The following ANKRD30B variants were observed in gnomAD, a reference collection of about 807,000 sequenced individuals.
ANKRD30B encodes ankyrin repeat domain 30B.
A neutral mutation model predicts 202.2 loss-of-function variants in ANKRD30B; 144 were observed. The observed-to-expected ratio is 0.71, with a 90% CI of 0.62 to 0.82. ANKRD30B has a LOEUF of 0.82. Ranked by LOEUF, ANKRD30B falls within the 40% of genes least tolerant of loss-of-function variation. The pLI is 0.00. For missense variants in ANKRD30B, 1,487 were observed against 1,669.1 expected (o/e 0.89, Z 1.90); for synonymous variants, 508 against 561.3 (o/e 0.91, Z 1.34).
the ANKRD30B span, among the ~76,000 whole-genome samples, chr18:14,936,131 AC>A: frequency 6.6e-6 from 1 of 152,166 alleles, no homozygotes; most frequent in Admixed American, 6.5e-5. Context: ...ACAAAACACC[AC>A]TGAACCTTTC....
the ANKRD30B span, among the ~76,000 whole-genome samples, chr18:14,928,756 C>G: frequency 6.6e-6 from 1 of 152,150 alleles, no homozygotes; most frequent in Non-Finnish European, 1.5e-5. Flanking sequence ...CTGGAGAACC[C>G]TGACTAATAT....
chr18:14,890,109 A>G, the ANKRD30B span: 1 of 973,204 alleles, frequency 1.0e-6, no homozygotes, highest in African/African-American at 1.6e-5. Context: ...GAATCACAGA[A>G]AGACATGTCA....
the ANKRD30B span, among the ~76,000 whole-genome samples, chr18:14,925,567 G>A: frequency 6.6e-6 from 1 of 152,238 alleles, no homozygotes; most frequent in Non-Finnish European, 1.5e-5. Flanking sequence ...CCAGATGGTA[G>A]CAGGCTAGGT....
chr18:14,902,091 A>G, the ANKRD30B span, among the ~76,000 whole-genome samples: 5 of 152,164 alleles, frequency 3.3e-5, no homozygotes, highest in African/African-American at 7.2e-5. Context: ...TCCTGAAAAA[A>G]TCAGATTTTG....
chr18:14,864,998 ACCCTCTTTTTG>A, the ANKRD30B span, among the ~76,000 whole-genome samples: 1 of 149,100 alleles, frequency 6.7e-6, no homozygotes, highest in African/African-American at 2.5e-5. Flanking sequence ...CCTGCTTGCC[ACCCTCTTTTTG>A]CCTTCCATCT....
At chr18:14,844,999 T>C (rs1971574553) in intron 39 of ANKRD30B, among the ~76,000 whole-genome samples, 1 of 152,062 alleles carries the variant, frequency 6.6e-6, no homozygotes, top group African/African-American at 2.4e-5. Context: ...GTCAGATGGA[T>C]AGATTGCAGA....
the ANKRD30B span, among the ~76,000 whole-genome samples, chr18:14,885,510 T>C: frequency 6.6e-6 from 1 of 152,074 alleles, no homozygotes. Flanking sequence ...CTTTGCATTA[T>C]TCTCTAACTT....
At chr18:14,901,273 T>G in the ANKRD30B span, among the ~76,000 whole-genome samples, 1 of 152,212 alleles carries the variant, frequency 6.6e-6, no homozygotes, top group Non-Finnish European at 1.5e-5. Context: ...AGCCAAAAAT[T>G]TACTTCTTTT....
intron 41 of ANKRD30B, among the ~76,000 whole-genome samples, chr18:14,850,764 G>A (rs1971848221): frequency 1.3e-5 from 2 of 151,734 alleles, no homozygotes; most frequent in Non-Finnish European, 3.0e-5. Flanking sequence ...TTCTAAGTAG[G>A]GCTCTCTAGA....
At chr18:14,856,062 C>A (rs562036606), downstream of ANKRD30B, among the ~76,000 whole-genome samples, 13 of 138,280 alleles carry the variant, frequency 9.4e-5, no homozygotes, top group Non-Finnish European at 1.8e-4. Context: ...GGCAGAGGCG[C>A]TCCTCACCTC....
chr18:14,790,804 G>T (rs1968442576), intron 15 of ANKRD30B, among the ~76,000 whole-genome samples: 2 of 151,948 alleles, frequency 1.3e-5, no homozygotes. Flanking sequence ...GTATTTTATT[G>T]AGGATTTTTG....
chr18:14,793,480 C>T (rs1466636129), intron 16 of ANKRD30B, among the ~76,000 whole-genome samples: 4 of 151,660 alleles, frequency 2.6e-5, no homozygotes, highest in East Asian at 1.9e-4. Flanking sequence ...CATCACTCAG[C>T]GTATACATAT....
At chr18:14,900,453 C>A in the ANKRD30B span, among the ~76,000 whole-genome samples, 1 of 152,040 alleles carries the variant, frequency 6.6e-6, no homozygotes, top group Non-Finnish European at 1.5e-5. Context: ...TTTCTATTCT[C>A]TTCTTGTCAT....
intron 11 of ANKRD30B, 142 bp downstream of exon 11, chr18:14,780,163 G>T: frequency 1.4e-6 from 1 of 691,262 alleles, no homozygotes; most frequent in Non-Finnish European, 2.4e-6. Flanking sequence ...AAACATACTT[G>T]GCTGGGTACT....
chr18:14,795,534 G>A (rs1357981785), intron 16 of ANKRD30B, among the ~76,000 whole-genome samples: 1 of 152,080 alleles, frequency 6.6e-6, no homozygotes, highest in African/African-American at 2.4e-5. Flanking sequence ...TGACTTTTCT[G>A]TATAAGTGGA....
At chr18:14,932,845 G>A in the ANKRD30B span, among the ~76,000 whole-genome samples, 1 of 152,158 alleles carries the variant, frequency 6.6e-6, no homozygotes, top group African/African-American at 2.4e-5. Flanking sequence ...CTGCTGGGAG[G>A]ACAGATTGCT....
intron 1 of ANKRD30B, among the ~76,000 whole-genome samples, chr18:14,751,552 G>T (rs1316941781): frequency 2.8e-5 from 4 of 142,962 alleles, no homozygotes; most frequent in Non-Finnish European, 4.6e-5. Context: ...ACCAGGTTTT[G>T]GAAATTTATA....
the ANKRD30B span, among the ~76,000 whole-genome samples, chr18:14,890,862 C>T: frequency 6.6e-6 from 1 of 151,748 alleles, no homozygotes; most frequent in African/African-American, 2.4e-5. Flanking sequence ...TAACTTTATA[C>T]CTTTGTAATT....
chr18:14,929,758 G>C, the ANKRD30B span, among the ~76,000 whole-genome samples: 2 of 152,058 alleles, frequency 1.3e-5, no homozygotes, highest in Non-Finnish European at 2.9e-5. Context: ...TTGGTGGGTG[G>C]ATAACAACGG....
Sources: allele counts gnomAD v4.1 joint callset (sites outside exome capture counted in the v4.1 genomes callset), GRCh38; gene constraint gnomAD v4.1.1; transcripts MANE v1.5; gene names NCBI Gene and HGNC (gene_info 2026-07-23, HGNC 2026-07-21).